MRPL21: variants seen among roughly 807,000 people sequenced by gnomAD.
The protein encoded by MRPL21 is large ribosomal subunit protein bL21m.
In MRPL21, 20 loss-of-function variants were observed where a neutral mutation model predicts 27.3. The ratio of observed to expected loss-of-function variants is 0.73; its 90% CI spans 0.52 to 1.06. The LOEUF is 1.06. MRPL21 is among the 50% of genes least tolerant of loss of function. MRPL21 has a pLI of 0.00. For synonymous variants in MRPL21, 98 were observed against 101.5 expected, an observed-to-expected ratio of 0.97 and a Z score of 0.21; for missense variants, 249 against 251.4, an observed-to-expected ratio of 0.99 and a Z score of 0.06.
chr11:68,900,728 G>A (rs2154006066), intron 1 of MRPL21, 123 bp from the exon 2 acceptor site: 2 of 848,190 alleles, frequency 2.4e-6, no homozygotes, highest in South Asian at 2.9e-5. Context: ...ATGACAGCCT[G>A]CCCACAGAAA....
chr11:68,900,530 C>A lies in MRPL21; in HGVS notation c.146+18G>T. The A allele has an allele frequency of 6.2e-7, 1 of 1,610,564 alleles. No individual in the cohort carries two copies. The highest frequency in any genetic ancestry group is 8.5e-7 in the Non-Finnish European group (1 of 1,177,106). On this transcript the variant is annotated intron_variant, in intron 2 of 6. Transcript: ENST00000362034. ...AATGAAAGGAAAAGAGGCACCAAAA[C>A]CCACATTTTGATATTACCCTGGTAG...
intron 2 of MRPL21, among the ~76,000 whole-genome samples, chr11:68,898,953 A>C (rs1261550404): frequency 1.3e-5 from 2 of 152,116 alleles, no homozygotes; most frequent in Non-Finnish European, 2.9e-5. Flanking sequence ...ACATCTGGCT[A>C]ATTTTTGTAT....
chr11:68,891,666 T>C, intron 6 of MRPL21: 1 of 568,338 alleles, frequency 1.8e-6, no homozygotes, highest in Non-Finnish European at 3.2e-6. Context: ...CTGTCTATGC[T>C]GTGACTTCTG....
Position 68,891,348 on chromosome 11 carries a change from C to A in MRPL21, c.601G>T (p.Ala201Ser). Reference sequence around the variant, plus strand: ...CTCGGTAATCACAACAAACACGGAGCAATCTCAATGCTGTTTATCCGGAGG... The same window carrying A: ...CTCGGTAATCACAACAAACACGGAGAAATCTCAATGCTGTTTATCCGGAGG... ...TVLRINSIEI[A>S]PCLL Residue 201 changes from alanine to serine, a missense_variant, in exon 7 of 7, where the codon GCT (alanine) becomes TCT (serine). By Grantham distance (99) the Ala-to-Ser change is moderately conservative. Transcript: ENST00000362034. The A allele has an allele frequency of 1.9e-6, 3 of 1,614,054 alleles. No homozygotes were observed. Among genetic ancestry groups the A allele is most frequent in the Middle Eastern group, 1.6e-4 (1 of 6,062 alleles).
intron 3 of MRPL21, chr11:68,897,709 G>A (rs991284962): frequency 3.5e-5 from 20 of 574,468 alleles, no homozygotes; most frequent in Non-Finnish European, 5.9e-5. Flanking sequence ...TATGCCACCT[G>A]CCTGCAGTGT....
intron 3 of MRPL21, 46 bp from the exon 4 acceptor site, chr11:68,896,724 C>T: frequency 6.2e-7 from 1 of 1,608,506 alleles, no homozygotes; most frequent in South Asian, 1.1e-5. Context: ...CACCTGCTCC[C>T]CCACGCGCTG....
chr11:68,897,430 G>A (rs966829256), intron 3 of MRPL21, among the ~76,000 whole-genome samples: 1 of 152,154 alleles, frequency 6.6e-6, no homozygotes. Context: ...AATCTCAAAC[G>A]GTATTTAACA....
intron 1 of MRPL21, among the ~76,000 whole-genome samples, chr11:68,901,925 C>T (rs1231148217): frequency 6.6e-6 from 1 of 152,202 alleles, no homozygotes; most frequent in Admixed American, 6.6e-5. Context: ...GGCCCCAAAC[C>T]TCCATCAGTT....
intron 4 of MRPL21, among the ~76,000 whole-genome samples, chr11:68,896,272 C>T (rs559991563): frequency 1.1e-4 from 16 of 152,330 alleles, no homozygotes; most frequent in African/African-American, 3.8e-4. Context: ...TGTGCTGTCT[C>T]CCTTCCTCCA....
At chr11:68,903,266 G>C (rs1451538418) in intron 1 of MRPL21, among the ~76,000 whole-genome samples, 3 of 152,118 alleles carry the variant, frequency 2.0e-5, no homozygotes, top group Non-Finnish European at 4.4e-5. Context: ...TTGGAGCCTC[G>C]TATCAGCCCA....
intron 3 of MRPL21, chr11:68,897,467 T>C (rs534229286): frequency 2.1e-4 from 34 of 164,620 alleles, no homozygotes; most frequent in African/African-American, 7.9e-4. Flanking sequence ...TCGAGGATCT[T>C]GATTTCCAGT....
At chr11:68,899,155 G>C (rs774293863) in intron 2 of MRPL21, among the ~76,000 whole-genome samples, 6 of 152,152 alleles carry the variant, frequency 3.9e-5, no homozygotes, top group Non-Finnish European at 7.4e-5. Context: ...GGGAGAGGAA[G>C]GGAGGAAAGA....
chr11:68,903,596 TGC>T, intron 1 of MRPL21, 125 bp downstream of exon 1: 1 of 954,122 alleles, frequency 1.0e-6, no homozygotes. Flanking sequence ...CCAAAACCCG[TGC>T]TATATTCACC....
At chr11:68,891,917 T>A (rs148828811) in intron 6 of MRPL21, 15 of 523,076 alleles carry the variant, frequency 2.9e-5, no homozygotes, top group Non-Finnish European at 4.1e-5. Flanking sequence ...GTGGGTGCCA[T>A]CCCTCAGGAT....
chr11:68,892,860 C>T, intron 6 of MRPL21, 30 bp downstream of exon 6: 1 of 1,600,314 alleles, frequency 6.2e-7, no homozygotes. Flanking sequence ...CACCGTGCAA[C>T]AGGGCCCAGC....
intron 2 of MRPL21, among the ~76,000 whole-genome samples, chr11:68,898,709 T>A (rs186142630): frequency 6.6e-6 from 1 of 152,048 alleles, no homozygotes; most frequent in Non-Finnish European, 1.5e-5. Flanking sequence ...GTGTTAGGAG[T>A]GCTCAGTCTC....
intron 4 of MRPL21, 54 bp downstream of exon 4, chr11:68,896,461 T>C: frequency 6.2e-7 from 1 of 1,601,694 alleles, no homozygotes; most frequent in South Asian, 1.1e-5. Flanking sequence ...GGCGTGGAGA[T>C]TACATACTTG....
chr11:68,896,557 A>G lies in MRPL21; in HGVS notation c.354T>C (p.Asn118=), dbSNP rs774123688. The G allele has an allele frequency of 7.4e-6, 12 of 1,614,048 alleles. No individual in the cohort carries two copies. Among genetic ancestry groups the G allele is most frequent in the Middle Eastern group, 3.3e-4 (2 of 6,084 alleles). ...VTSEDLILIG[N]ELDLACGERI... ...TCTCTCCACACGCAAGGTCTAGTTCATTTCCAATTAAGATCAGGTCTTCAG... is the reference window on the plus strand; with the variant it reads ...TCTCTCCACACGCAAGGTCTAGTTCGTTTCCAATTAAGATCAGGTCTTCAG... Residue 118 remains asparagine (N), a synonymous_variant, in exon 4 of 7, where the codon AAT becomes AAC. Coordinates refer to ENST00000362034, the MANE Select transcript of MRPL21 (RefSeq NM_181514.2).
At position 68,900,557 on chromosome 11, in the gene MRPL21, T is replaced by G; in HGVS notation, c.137A>C (p.Tyr46Ser). 6.2e-7 allele frequency: 1 copy of G among 1,613,962 alleles called. No homozygotes were observed. The highest frequency in any genetic ancestry group is 1.7e-4 in the Middle Eastern group (1 of 6,060). ...CACATTTTGATATTACCCTGGTAGATATGAAGTGCTCTGTGAATTGAACCT... is the reference window on the plus strand; with the variant it reads ...CACATTTTGATATTACCCTGGTAGAGATGAAGTGCTCTGTGAATTGAACCT... ...SRRFNSQSTSYLPGYVPKTSL... is the reference protein window; with the variant it reads ...SRRFNSQSTSSLPGYVPKTSL... The change falls in exon 2 of 7, where the codon TAT becomes TCT. Residue 46 changes from tyrosine to serine, a missense_variant. By Grantham distance (144) the Tyr-to-Ser change is moderately radical (BLOSUM62 -2). Coordinates refer to ENST00000362034, the MANE Select transcript of MRPL21 (RefSeq NM_181514.2).
Sources: gnomAD v4.1 joint callset for allele counts (sites outside exome capture counted in the v4.1 genomes callset) on GRCh38, gnomAD v4.1.1 for gene constraint, MANE v1.5 for transcripts, NCBI Gene and HGNC (gene_info 2026-07-23, HGNC 2026-07-21) for gene names.